NEGR1: variants seen among roughly 807,000 people sequenced by gnomAD.
NEGR1 encodes neuronal growth regulator 1.
A neutral mutation model predicts 40.9 loss-of-function variants in NEGR1; 10 were observed. The observed-to-expected ratio is 0.24, with a 90% CI of 0.15 to 0.42. The LOEUF (loss-of-function observed/expected upper bound fraction) is 0.42, where lower values mean the gene tolerates loss of function less well. Ranked by LOEUF, NEGR1 falls within the 10% of genes least tolerant of loss-of-function variation. The pLI, the probability that NEGR1 is intolerant of heterozygous loss-of-function variation, is 1.00. For missense variants in NEGR1, 352 were observed against 438.9 expected (o/e 0.80, Z 1.77); for synonymous variants, 185 against 166.8 (o/e 1.11, Z -0.84).
At chr1:71,949,794 G>C (rs1016845307) in intron 1 of NEGR1, among the ~76,000 whole-genome samples, 3 of 151,966 alleles carry the variant, frequency 2.0e-5, no homozygotes, top group Non-Finnish European at 2.9e-5. Flanking sequence ...TTATCTTCTT[G>C]TTCATTTTAC....
chr1:72,104,993 C>G (rs138072537), intron 1 of NEGR1, among the ~76,000 whole-genome samples: 3 of 152,128 alleles, frequency 2.0e-5, no homozygotes, highest in East Asian at 1.9e-4. Context: ...GAGCCAGACC[C>G]CATTCACAGC....
intron 4 of NEGR1, among the ~76,000 whole-genome samples, chr1:71,674,758 C>T (rs1304413146): frequency 6.6e-6 from 1 of 152,094 alleles, no homozygotes; most frequent in Non-Finnish European, 1.5e-5. Context: ...TTTGATGTCA[C>T]TCAGATGTAA....
At chr1:72,088,027 G>C (rs1648293402) in intron 1 of NEGR1, among the ~76,000 whole-genome samples, 1 of 152,112 alleles carries the variant, frequency 6.6e-6, no homozygotes, top group Non-Finnish European at 1.5e-5. Flanking sequence ...TTTTCACCTG[G>C]TGAGGTATAA....
At chr1:71,949,758 C>A (rs1249879014) in intron 1 of NEGR1, among the ~76,000 whole-genome samples, 14 of 152,100 alleles carry the variant, frequency 9.2e-5, no homozygotes, top group Admixed American at 8.5e-4. Flanking sequence ...ACAAATGGAA[C>A]TGCCCACTGT....
At chr1:71,955,357 T>C (rs1646110849) in intron 1 of NEGR1, among the ~76,000 whole-genome samples, 1 of 152,130 alleles carries the variant, frequency 6.6e-6, no homozygotes, top group Admixed American at 6.6e-5. Flanking sequence ...TAAGTGGTAG[T>C]GGATCAATTC....
chr1:71,521,520 A>T (rs1647157124), intron 6 of NEGR1, among the ~76,000 whole-genome samples: 1 of 151,984 alleles, frequency 6.6e-6, no homozygotes, highest in African/African-American at 2.4e-5. Flanking sequence ...GAGTTTCCTA[A>T]TCACACTCTA....
At position 71,592,892 on chromosome 1, in the gene NEGR1, G is replaced by T; in HGVS notation, c.865C>A (p.Gln289Lys). 2 of 1,611,064 alleles carry T rather than the reference G, an allele frequency of 1.2e-6. No individual in the cohort carries two copies. The highest frequency in any genetic ancestry group is 2.2e-5 in the South Asian group (2 of 91,000). ...RSILTVTNVT[Q>K]EHFGNYTCVA... ...CAGGTATAATTGCCGAAGTGCTCCTGTGTCACGTTGGTAACAGTGAGAATG... is the reference window on the plus strand; with the variant it reads ...CAGGTATAATTGCCGAAGTGCTCCTTTGTCACGTTGGTAACAGTGAGAATG... Residue 289 changes from glutamine to lysine, a missense_variant, in exon 6 of 7, where the codon CAG (glutamine) becomes AAG (lysine). Physicochemically the swap from Gln to Lys is moderately conservative, Grantham distance 53. Around this residue, in one of 5 missense-constraint regions of NEGR1, gnomAD observed 184 missense variants for 208.7 expected, o/e 0.88. Transcript: ENST00000357731.
In NEGR1 at chr1:71,853,967, C is replaced by A. The variant is rs536396300; in HGVS notation, c.410-77670G>T. Among the ~76,000 whole-genome samples, 269 of 152,118 alleles carry A rather than the reference C, an allele frequency of 1.8e-3. 2 individuals are homozygous for A. Among genetic ancestry groups the A allele is most frequent in the African/African-American group, 6.3e-3 (260 of 41,526 alleles). ...TTGAGTTGAAACTGGTCGTTTTAAA[C>A]CCTCAGCACAAAGAGCAGAATAATT... On this transcript the variant is annotated intron_variant, in intron 2 of 6. Coordinates refer to ENST00000357731, the MANE Select transcript of NEGR1 (RefSeq NM_173808.3).
chr1:72,136,131 G>GA (rs999652684), intron 1 of NEGR1, among the ~76,000 whole-genome samples: 1 of 150,938 alleles, frequency 6.6e-6, no homozygotes, highest in Admixed American at 6.6e-5. Context: ...ACATTACATA[G>GA]AAAAAAAAGC....
intron 5 of NEGR1, among the ~76,000 whole-genome samples, chr1:71,603,936 C>T (rs1231039882): frequency 6.6e-6 from 1 of 152,144 alleles, no homozygotes; most frequent in Non-Finnish European, 1.5e-5. Flanking sequence ...TGCTTTACCT[C>T]ACTGTTGATG....
intron 3 of NEGR1, among the ~76,000 whole-genome samples, chr1:71,718,109 A>T (rs1033936893): frequency 1.1e-4 from 17 of 152,178 alleles, no homozygotes; most frequent in Admixed American, 3.3e-4. Context: ...GTAAAGGCGA[A>T]TCATGGCTGT....
chr1:72,088,966 C>T (rs1013711122), intron 1 of NEGR1, among the ~76,000 whole-genome samples: 11 of 151,880 alleles, frequency 7.2e-5, no homozygotes, highest in Non-Finnish European at 1.5e-4. Context: ...TTAGCCACAG[C>T]GTCTGGCCTA....
chr1:72,009,917 T>C (rs1646641564), intron 1 of NEGR1, among the ~76,000 whole-genome samples: 1 of 151,314 alleles, frequency 6.6e-6, no homozygotes, highest in Non-Finnish European at 1.5e-5. Context: ...TAGTTAAATC[T>C]GGGAGGTAGA....
intron 6 of NEGR1, among the ~76,000 whole-genome samples, chr1:71,559,108 T>C (rs540302742): frequency 5.6e-4 from 84 of 149,774 alleles, no homozygotes; most frequent in African/African-American, 2.0e-3. Flanking sequence ...CATATTCATA[T>C]CTCCAACTCC....
chr1:71,877,557 A>G (rs1218581559), intron 2 of NEGR1, among the ~76,000 whole-genome samples: 1 of 152,084 alleles, frequency 6.6e-6, no homozygotes, highest in Non-Finnish European at 1.5e-5. Context: ...TCATGATCTA[A>G]CCGTAATTAT....
At chr1:71,894,561 G>T (rs1478069869) in intron 2 of NEGR1, among the ~76,000 whole-genome samples, 1 of 152,262 alleles carries the variant, frequency 6.6e-6, no homozygotes, top group East Asian at 1.9e-4. Flanking sequence ...TAAGACCAAA[G>T]AAGTTAAGTA....
chr1:71,678,852 T>C (rs749892359), intron 4 of NEGR1, among the ~76,000 whole-genome samples: 27 of 151,990 alleles, frequency 1.8e-4, no homozygotes, highest in Non-Finnish European at 3.4e-4. Flanking sequence ...GGATACCATA[T>C]TGAGAAAAGC....
rs137871852 is a variant in NEGR1, at chr1:72,255,741, G to T, written c.176+26578C>A. On this transcript the variant is annotated intron_variant, in intron 1 of 6. Coordinates refer to ENST00000357731, the MANE Select transcript of NEGR1 (RefSeq NM_173808.3). ...ATTCTTTTGTATTTTAGTAGAGACG[G>T]GGTTTCACCATGTTGGCCAGGATGG... 8.9e-3 allele frequency among the ~76,000 whole-genome samples: 1,357 copies of T among 152,018 alleles called. 27 individuals are homozygous for T. The highest frequency in any genetic ancestry group is 0.031 in the African/African-American group (1,295 of 41,478).
intron 1 of NEGR1, among the ~76,000 whole-genome samples, chr1:72,242,539 A>G (rs1357758397): frequency 2.6e-5 from 4 of 151,618 alleles, no homozygotes; most frequent in African/African-American, 9.7e-5. Context: ...TCATTTATTC[A>G]TTTAACAGAG....
Sources: gnomAD v4.1 joint callset for allele counts (sites outside exome capture counted in the v4.1 genomes callset) on GRCh38, gnomAD v4.1.1 for gene constraint, gnomAD v4.1.1 regional missense constraint, MANE v1.5 for transcripts, NCBI Gene and HGNC (gene_info 2026-07-23, HGNC 2026-07-21) for gene names.